Variants in NCALD observed in about 807,000 individuals in gnomAD.
NCALD encodes neurocalcin delta.
Under a neutral mutation model 18.6 loss-of-function variants are expected in NCALD, and 10 were observed. The ratio of observed to expected loss-of-function variants is 0.54; its 90% CI spans 0.33 to 0.91. The LOEUF is 0.91. Among genes scored for constraint, NCALD ranks in the 40% least tolerant of loss-of-function variants. The pLI is 0.03. For missense variants in NCALD, 184 were observed against 247.6 expected (o/e 0.74, Z 1.72); for synonymous variants, 88 against 87.4 (o/e 1.01, Z -0.04).
chr8:101,815,031 T>C (rs1237248573), intron 4 of NCALD, among the ~76,000 whole-genome samples: 1 of 152,146 alleles, frequency 6.6e-6, no homozygotes, highest in Admixed American at 6.6e-5. Context: ...ATTGTCAAGA[T>C]GTCAGTTCTT....
At chr8:101,831,925 T>G (rs767125825) in intron 4 of NCALD, among the ~76,000 whole-genome samples, 4 of 152,228 alleles carry the variant, frequency 2.6e-5, no homozygotes, top group Non-Finnish European at 4.4e-5. Context: ...GAAGCAGCCA[T>G]GATTCACAGA....
intron 1 of NCALD, among the ~76,000 whole-genome samples, chr8:102,033,973 C>T (rs1429672079): frequency 2.0e-5 from 3 of 150,650 alleles, no homozygotes; most frequent in African/African-American, 7.3e-5. Context: ...TAAATCCTAG[C>T]TCTTTCTCTT....
chr8:102,100,686 G>A (rs1351275993), intron 1 of NCALD, among the ~76,000 whole-genome samples: 5 of 152,148 alleles, frequency 3.3e-5, no homozygotes, highest in African/African-American at 9.7e-5. Flanking sequence ...TAAACAAAAC[G>A]AGGTATATAC....
intron 1 of NCALD, among the ~76,000 whole-genome samples, chr8:101,782,744 C>T (rs568059867): frequency 6.6e-4 from 100 of 152,312 alleles, no homozygotes; most frequent in Middle Eastern, 3.4e-3. Context: ...AAGCTCACTT[C>T]CTCTCCAAAG....
At chr8:102,082,768 T>G (rs1010894362) in intron 1 of NCALD, among the ~76,000 whole-genome samples, 3 of 152,188 alleles carry the variant, frequency 2.0e-5, no homozygotes, top group African/African-American at 7.2e-5. Flanking sequence ...CCTATTCACT[T>G]CAGAAGATTT....
chr8:101,878,874 G>T (rs1042494932), intron 4 of NCALD, among the ~76,000 whole-genome samples: 1 of 152,060 alleles, frequency 6.6e-6, no homozygotes. Context: ...GTTATGCGAC[G>T]GTCAATGCCA....
At chr8:101,739,894 C>T (rs1810112427) in intron 1 of NCALD, among the ~76,000 whole-genome samples, 1 of 152,184 alleles carries the variant, frequency 6.6e-6, no homozygotes, top group African/African-American at 2.4e-5. Context: ...ATGCATCTAT[C>T]CTATTCGTTC....
chr8:101,727,953 G>A (rs564879319), intron 1 of NCALD, among the ~76,000 whole-genome samples: 2 of 152,358 alleles, frequency 1.3e-5, no homozygotes, highest in Admixed American at 1.3e-4. Flanking sequence ...TTTACACTGG[G>A]AAGGGGAATG....
chr8:102,050,790 A>AATTTTTAATTTAATTAAATC, intron 1 of NCALD, among the ~76,000 whole-genome samples: 1 of 145,456 alleles, frequency 6.9e-6, no homozygotes, highest in South Asian at 2.2e-4. Flanking sequence ...TTAATTAACT[A>AATTTTTAATTTAATTAAATC]ATTTTTAATT....
chr8:102,108,736 G>T (rs549001853), intron 1 of NCALD, among the ~76,000 whole-genome samples: 2 of 152,188 alleles, frequency 1.3e-5, no homozygotes, highest in African/African-American at 4.8e-5. Context: ...CACAATAAAT[G>T]TTTGTTAAAT....
chr8:102,010,333 C>T (rs916900803), intron 2 of NCALD, among the ~76,000 whole-genome samples: 12 of 152,206 alleles, frequency 7.9e-5, no homozygotes, highest in Admixed American at 6.5e-4. Context: ...TTGCCACTGA[C>T]CCCAAATAGT....
At chr8:101,834,933 G>T (rs370183551) in intron 4 of NCALD, among the ~76,000 whole-genome samples, 11 of 152,350 alleles carry the variant, frequency 7.2e-5, no homozygotes, top group African/African-American at 2.6e-4. Flanking sequence ...GAAGTCCTCA[G>T]TTCTGGACCT....
chr8:101,884,282 C>G (rs568361937), intron 4 of NCALD, among the ~76,000 whole-genome samples: 1 of 152,254 alleles, frequency 6.6e-6, no homozygotes, highest in East Asian at 1.9e-4. Flanking sequence ...TTGTTGTTTT[C>G]TATCATAGTA....
chr8:102,055,601 G>C (rs1823624112), intron 1 of NCALD, among the ~76,000 whole-genome samples: 1 of 152,170 alleles, frequency 6.6e-6, no homozygotes, highest in Non-Finnish European at 1.5e-5. Flanking sequence ...GATGGAACTA[G>C]CCAGTTCTGT....
intron 2 of NCALD, among the ~76,000 whole-genome samples, chr8:101,919,889 C>G (rs1046084692): frequency 2.6e-5 from 4 of 152,094 alleles, no homozygotes; most frequent in African/African-American, 9.7e-5. Context: ...ACAAAAGATG[C>G]TGGTGAGGCT....
At chr8:101,758,183 A>G (rs1810964767) in intron 1 of NCALD, among the ~76,000 whole-genome samples, 1 of 152,170 alleles carries the variant, frequency 6.6e-6, no homozygotes, top group South Asian at 2.1e-4. Flanking sequence ...CCTTCAGTCT[A>G]ATACTACAAA....
At position 101,719,292 on chromosome 8, in the gene NCALD, T is replaced by C; in HGVS notation, c.338A>G (p.Asn113Ser). The stretch of plus-strand genomic sequence containing the variant: ...CATCTCTGCCTTGCTGATATAGCCA[T>C]TTCCGTCCAGGTCGTACATGCTGAA... ...WAFSMYDLDG[N>S]GYISKAEMLE... The change falls in exon 2 of 4, where the codon AAT becomes AGT. Residue 113 changes from asparagine to serine, a missense_variant. Asn to Ser is a conservative substitution (Grantham distance 46). Transcript: ENST00000220931. The C allele has an allele frequency of 6.2e-7, 1 of 1,614,172 alleles. No individual in the cohort carries two copies. Among genetic ancestry groups the C allele is most frequent in the Non-Finnish European group, 8.5e-7 (1 of 1,180,016 alleles).
At chr8:101,854,440 T>C (rs1048663003) in intron 4 of NCALD, among the ~76,000 whole-genome samples, 3 of 152,154 alleles carry the variant, frequency 2.0e-5, no homozygotes, top group African/African-American at 7.2e-5. Flanking sequence ...AGAAAGCTCC[T>C]ACATTCACTT....
chr8:101,939,528 C>T (rs1818879874), intron 2 of NCALD, among the ~76,000 whole-genome samples: 1 of 152,096 alleles, frequency 6.6e-6, no homozygotes, highest in African/African-American at 2.4e-5. Flanking sequence ...TTTCTAAAAG[C>T]TTTAAGTAGC....
Sources: allele counts gnomAD v4.1 joint callset (sites outside exome capture counted in the v4.1 genomes callset), GRCh38; gene constraint gnomAD v4.1.1; transcripts MANE v1.5; gene names NCBI Gene and HGNC (gene_info 2026-07-23, HGNC 2026-07-21).